The following WWOX variants were observed in gnomAD, a reference collection of about 807,000 sequenced individuals.
WWOX encodes the protein WW domain-containing oxidoreductase.
WWOX carries 69 observed loss-of-function variants against 46.2 expected under a neutral mutation model. The ratio of observed to expected loss-of-function variants is 1.49; its 90% CI spans 1.23 to 1.82. The LOEUF (loss-of-function observed/expected upper bound fraction) is 1.82. Among genes scored for constraint, WWOX ranks in the 40% most tolerant of loss-of-function variants. The probability of loss-of-function intolerance (pLI) is 0.00; values close to 1 mark genes in which losing one functional copy is unlikely to be tolerated. For missense variants in WWOX, 919 were observed against 542.6 expected (o/e 1.69, Z -6.89); for synonymous variants, 359 against 202.6 (o/e 1.77, Z -6.56).
intron 8 of WWOX, among the ~76,000 whole-genome samples, chr16:78,910,083 T>C (rs1027047703): frequency 6.6e-6 from 1 of 152,250 alleles, no homozygotes; most frequent in Non-Finnish European, 1.5e-5. Context: ...TTATCATTTT[T>C]CATGTGTAGA....
In WWOX at chr16:78,276,734, C is replaced by G. The variant is rs140953924; in HGVS notation, c.517-110126C>G. Among the ~76,000 whole-genome samples, 352 of 152,294 alleles carry G rather than the reference C, an allele frequency of 2.3e-3. 1 individual carries two copies. The highest frequency in any genetic ancestry group is 7.9e-3 in the African/African-American group (328 of 41,578). ...AATTTTAGCCCATTAAAAATAAAAT[C>G]TGTTGCTTTCCACCCACACCTGGCA... is the stretch of plus-strand genomic sequence containing the variant. On this transcript the variant is annotated intron_variant, in intron 5 of 8. Coordinates refer to ENST00000566780, the MANE Select transcript of WWOX (RefSeq NM_016373.4).
chr16:78,494,176 C>G (rs913319404), intron 8 of WWOX, among the ~76,000 whole-genome samples: 6 of 152,144 alleles, frequency 3.9e-5, no homozygotes, highest in Middle Eastern at 3.2e-3. Context: ...TGCTTTTAAA[C>G]AAACAGATCT....
At chr16:79,210,866 G>T (rs2051710650) in intron 8 of WWOX, among the ~76,000 whole-genome samples, 1 of 152,164 alleles carries the variant, frequency 6.6e-6, no homozygotes, top group South Asian at 2.1e-4. Context: ...GTGATCAGCT[G>T]CACTCTTTGC....
At chr16:78,919,973 C>T (rs957467327) in intron 8 of WWOX, among the ~76,000 whole-genome samples, 8 of 152,230 alleles carry the variant, frequency 5.3e-5, no homozygotes, top group East Asian at 1.9e-4. Context: ...AGCTTATTTA[C>T]GGTTTGCCTC....
rs114647095 is a variant in WWOX at position 78,367,721 on chromosome 16, C to T, written c.517-19139C>T. On this transcript the variant is annotated intron_variant, in intron 5 of 8. Coordinates refer to ENST00000566780, the MANE Select transcript of WWOX (RefSeq NM_016373.4). The stretch of plus-strand genomic sequence containing the variant: ...AGGAGAATTGACTTGTCACAATGGA[C>T]GGAGAACTACCATCCCATTTGGGCC... Among the ~76,000 whole-genome samples, 1,204 of 151,416 alleles carry T rather than the reference C, an allele frequency of 8.0e-3. 16 individuals carry two copies. Among genetic ancestry groups the T allele is most frequent in the Middle Eastern group, 0.024 (7 of 290 alleles).
chr16:79,017,649 GTTTA>G (rs1050980408), intron 8 of WWOX, among the ~76,000 whole-genome samples: 1 of 151,472 alleles, frequency 6.6e-6, no homozygotes, highest in African/African-American at 2.4e-5. Context: ...TCTGATAAAA[GTTTA>G]TTTATAGACA....
chr16:78,730,613 GGC>G (rs1197434914), intron 8 of WWOX, among the ~76,000 whole-genome samples: 39 of 118,750 alleles, frequency 3.3e-4, no homozygotes, highest in Non-Finnish European at 4.6e-4. Context: ...CACCACGCCC[GGC>G]AATTTTTTTT....
chr16:78,831,466 G>A (rs970444242), intron 8 of WWOX, among the ~76,000 whole-genome samples: 2 of 152,314 alleles, frequency 1.3e-5, no homozygotes, highest in African/African-American at 4.8e-5. Context: ...GGGAGATGCA[G>A]TGAGTTTATC....
At chr16:78,118,618 C>T (rs115842274) in intron 4 of WWOX, among the ~76,000 whole-genome samples, 2 of 152,090 alleles carry the variant, frequency 1.3e-5, no homozygotes, top group Non-Finnish European at 2.9e-5. Flanking sequence ...TGCTTGTTAC[C>T]AGAAGAGTCG....
chr16:78,674,268 A>G (rs1014413179), intron 8 of WWOX, among the ~76,000 whole-genome samples: 3 of 143,894 alleles, frequency 2.1e-5, no homozygotes, highest in Non-Finnish European at 3.0e-5. Flanking sequence ...ACTCGTTCCA[A>G]CCAGTTCATC....
At chr16:79,056,748 A>G (rs1004910014) in intron 8 of WWOX, among the ~76,000 whole-genome samples, 1 of 152,178 alleles carries the variant, frequency 6.6e-6, no homozygotes, top group Non-Finnish European at 1.5e-5. Context: ...CTTTAACTCA[A>G]GAAGTTTTTC....
At chr16:78,943,052 T>G (rs2045882407) in intron 8 of WWOX, among the ~76,000 whole-genome samples, 1 of 152,224 alleles carries the variant, frequency 6.6e-6, no homozygotes, top group Admixed American at 6.5e-5. Context: ...TTCTGCTTCC[T>G]GTTTTGTTAA....
intron 5 of WWOX, among the ~76,000 whole-genome samples, chr16:78,211,074 T>G (rs2036545677): frequency 6.6e-6 from 1 of 152,198 alleles, no homozygotes; most frequent in Middle Eastern, 3.2e-3. Context: ...CTCTAAAGTT[T>G]GATTAAAGAT....
chr16:78,695,258 A>T (rs2048074117), intron 8 of WWOX, among the ~76,000 whole-genome samples: 1 of 152,080 alleles, frequency 6.6e-6, no homozygotes, highest in Non-Finnish European at 1.5e-5. Flanking sequence ...GTTTACATCC[A>T]CAGGCAATCA....
At chr16:78,156,609 G>C (rs72804942) in intron 4 of WWOX, among the ~76,000 whole-genome samples, 8,938 of 152,218 alleles carry the variant, frequency 0.059, 299 homozygotes, top group Non-Finnish European at 0.065. Flanking sequence ...GGCTCAAGGA[G>C]CTTACCTGAG....
chr16:79,132,761 A>C (rs1233011578), intron 8 of WWOX, among the ~76,000 whole-genome samples: 1 of 152,220 alleles, frequency 6.6e-6, no homozygotes, highest in East Asian at 1.9e-4. Flanking sequence ...TTTAATTCTA[A>C]ATTCAGTTTT....
chr16:78,328,356 G>C (rs981234329), intron 5 of WWOX, among the ~76,000 whole-genome samples: 1 of 152,204 alleles, frequency 6.6e-6, no homozygotes. Context: ...ATATTTCATA[G>C]CATATGATTG....
intron 8 of WWOX, among the ~76,000 whole-genome samples, chr16:78,693,180 G>A (rs940534560): frequency 6.6e-6 from 1 of 152,168 alleles, no homozygotes; most frequent in Non-Finnish European, 1.5e-5. Context: ...CCCATCTCTT[G>A]TTCAACTCAG....
At chr16:78,694,247 G>T (rs1237202361) in intron 8 of WWOX, among the ~76,000 whole-genome samples, 1 of 152,064 alleles carries the variant, frequency 6.6e-6, no homozygotes, top group African/African-American at 2.4e-5. Context: ...ATTTAGAAAT[G>T]GTACAGTCAG....
Sources: allele counts gnomAD v4.1 joint callset (sites outside exome capture counted in the v4.1 genomes callset), GRCh38; gene constraint gnomAD v4.1.1; transcripts MANE v1.5; gene names NCBI Gene and HGNC (gene_info 2026-07-23, HGNC 2026-07-21).